CSMD1: variants seen among roughly 807,000 people sequenced by gnomAD.
CSMD1 encodes the protein CUB and sushi domain-containing protein 1.
CSMD1 carries 213 observed loss-of-function variants against 417.5 expected under a neutral mutation model. That is an observed-to-expected ratio of 0.51 (90% CI 0.46 to 0.57). CSMD1 has a LOEUF of 0.57. CSMD1 is among the 20% of genes least tolerant of loss of function. The pLI is 0.00. For synonymous variants in CSMD1, 2,862 were observed against 1,736.8 expected (o/e 1.65, Z -16.11); for missense variants, 6,923 against 4,529.7 (o/e 1.53, Z -15.17).
intron 1 of CSMD1, among the ~76,000 whole-genome samples, chr8:4,719,809 C>T (rs905096820): frequency 2.6e-5 from 4 of 152,030 alleles, no homozygotes; most frequent in African/African-American, 7.2e-5. Flanking sequence ...ACTATTGCTG[C>T]CTTTTACTTT....
intron 7 of CSMD1, among the ~76,000 whole-genome samples, chr8:3,664,830 A>G (rs1798601218): frequency 1.3e-5 from 2 of 152,148 alleles, no homozygotes; most frequent in African/African-American, 2.4e-5. Context: ...TAAAATAGCT[A>G]AAAGTTTAGC....
At chr8:4,929,276 G>A (rs759589894) in intron 1 of CSMD1, among the ~76,000 whole-genome samples, 36 of 152,110 alleles carry the variant, frequency 2.4e-4, no homozygotes, top group South Asian at 2.1e-4. Context: ...AGACACCGTC[G>A]TTGTGGACTT....
At chr8:4,197,218 A>C (rs769314515) in intron 3 of CSMD1, among the ~76,000 whole-genome samples, 3 of 152,182 alleles carry the variant, frequency 2.0e-5, no homozygotes, top group Non-Finnish European at 4.4e-5. Context: ...GAGCATCATG[A>C]ATTCTGAGTT....
intron 5 of CSMD1, among the ~76,000 whole-genome samples, chr8:3,868,463 C>A (rs1013096683): frequency 1.3e-5 from 2 of 152,090 alleles, no homozygotes; most frequent in African/African-American, 4.8e-5. Context: ...CCTGCATCAG[C>A]CAAAAGGAAG....
At chr8:3,106,318 G>C (rs1181890064) in intron 46 of CSMD1, among the ~76,000 whole-genome samples, 1 of 151,926 alleles carries the variant, frequency 6.6e-6, no homozygotes, top group Non-Finnish European at 1.5e-5. Flanking sequence ...GATCACCTGA[G>C]ACCAGGGAGG....
At chr8:4,793,103 T>C (rs1797782274) in intron 1 of CSMD1, among the ~76,000 whole-genome samples, 1 of 152,148 alleles carries the variant, frequency 6.6e-6, no homozygotes. Context: ...ATACAATTTT[T>C]TCTTTTGTCT....
At chr8:4,215,697 G>C (rs180783188) in intron 3 of CSMD1, among the ~76,000 whole-genome samples, 10 of 152,168 alleles carry the variant, frequency 6.6e-5, no homozygotes, top group Admixed American at 5.9e-4. Context: ...TTAATATGCA[G>C]ATTCTTTAAA....
At chr8:3,770,319 A>C (rs1443863829) in intron 5 of CSMD1, among the ~76,000 whole-genome samples, 1 of 152,188 alleles carries the variant, frequency 6.6e-6, no homozygotes, top group Non-Finnish European at 1.5e-5. Flanking sequence ...TCACAAGATC[A>C]GGAGTTCAAG....
intron 5 of CSMD1, among the ~76,000 whole-genome samples, chr8:3,773,354 G>C (rs529124599): frequency 3.4e-4 from 51 of 152,138 alleles, no homozygotes; most frequent in Non-Finnish European, 6.3e-4. Context: ...TGCACTCTCA[G>C]CTCACTGTAG....
At chr8:3,040,389 T>TATAA (rs1191390426) in intron 50 of CSMD1, among the ~76,000 whole-genome samples, 1 of 60,444 alleles carries the variant, frequency 1.7e-5, no homozygotes, top group African/African-American at 1.0e-4. Context: ...CACATTGAAA[T>TATAA]ATATATATAT....
At chr8:4,468,451 A>C (rs1800323443) in intron 2 of CSMD1, among the ~76,000 whole-genome samples, 1 of 152,188 alleles carries the variant, frequency 6.6e-6, no homozygotes, top group Non-Finnish European at 1.5e-5. Flanking sequence ...CAAAACTTCA[A>C]ACCTTATGAT....
intron 8 of CSMD1, among the ~76,000 whole-genome samples, chr8:3,586,885 C>T (rs140925027): frequency 0.013 from 1,940 of 152,220 alleles, 47 homozygotes; most frequent in African/African-American, 0.043. Flanking sequence ...CTGCAACCTC[C>T]GCCTCCGGGG....
At chr8:4,607,074 C>A (rs1800914901) in intron 2 of CSMD1, among the ~76,000 whole-genome samples, 1 of 152,080 alleles carries the variant, frequency 6.6e-6, no homozygotes, top group South Asian at 2.1e-4. Flanking sequence ...TTTATTCATT[C>A]ATATGTTTAT....
At chr8:4,110,812 G>A (rs1351818868) in intron 3 of CSMD1, among the ~76,000 whole-genome samples, 1 of 151,922 alleles carries the variant, frequency 6.6e-6, no homozygotes. Flanking sequence ...GTTTTTAAAT[G>A]TTCTGCTTCT....
chr8:4,082,442 G>C (rs1227611936), intron 3 of CSMD1, among the ~76,000 whole-genome samples: 1 of 152,070 alleles, frequency 6.6e-6, no homozygotes, highest in Non-Finnish European at 1.5e-5. Context: ...GAAAATAGAG[G>C]AAGGGCAAAG....
chr8:3,453,997 T>C (rs544348191), intron 12 of CSMD1, among the ~76,000 whole-genome samples: 105 of 152,318 alleles, frequency 6.9e-4, no homozygotes, highest in African/African-American at 2.5e-3. Flanking sequence ...TGGGTGCTCC[T>C]GTATTGGGTG....
At chr8:4,771,825 C>G (rs931453248) in intron 1 of CSMD1, among the ~76,000 whole-genome samples, 1 of 152,134 alleles carries the variant, frequency 6.6e-6, no homozygotes, top group Non-Finnish European at 1.5e-5. Context: ...TTTCCATCAA[C>G]GATACCTTTT....
At position 4,506,223 on chromosome 8, in the gene CSMD1, T is replaced by C. The variant is rs142601089; in HGVS notation, c.303-86158A>G. Among the ~76,000 whole-genome samples, 99 of 152,260 alleles carry C rather than the reference T, an allele frequency of 6.5e-4. 1 individual carries two copies. In the East Asian group the frequency reaches 0.017, roughly 27 times the overall value. On this transcript the variant is annotated intron_variant, in intron 2 of 69. Transcript: ENST00000635120. The stretch of plus-strand genomic sequence containing the variant: ...GACAATTACTTTTACACCAACCTAA[T>C]AGAAATTACAGCTATTGGAGCACCT...
At chr8:4,803,856 T>A (rs578048490) in intron 1 of CSMD1, among the ~76,000 whole-genome samples, 2 of 152,318 alleles carry the variant, frequency 1.3e-5, no homozygotes, top group Non-Finnish European at 2.9e-5. Flanking sequence ...GTGTTACATA[T>A]TTTTTGTAAG....
Sources: allele counts gnomAD v4.1 joint callset (sites outside exome capture counted in the v4.1 genomes callset), GRCh38; gene constraint gnomAD v4.1.1; transcripts MANE v1.5; gene names NCBI Gene and HGNC (gene_info 2026-07-23, HGNC 2026-07-21).